ARMH1: variants seen among roughly 807,000 people sequenced by gnomAD.
ARMH1 encodes the protein armadillo-like helical domain containing protein 1.
A neutral mutation model predicts 50.2 loss-of-function variants in ARMH1; 34 were observed. The observed-to-expected ratio is 0.68, with a 90% confidence interval of 0.51 to 0.90. The LOEUF (loss-of-function observed/expected upper bound fraction) is 0.90, where lower values mean the gene tolerates loss of function less well. Among genes scored for constraint, ARMH1 ranks in the 40% least tolerant of loss-of-function variants. The pLI, the probability that ARMH1 is intolerant of heterozygous loss-of-function variation, is 0.00. For missense variants in ARMH1, 538 were observed against 553.9 expected, an observed-to-expected ratio of 0.97 and a Z score of 0.29; for synonymous variants, 221 against 224.2, an observed-to-expected ratio of 0.99 and a Z score of 0.13.
At position 44,682,885 on chromosome 1, in the gene ARMH1, A is replaced by G. The variant is rs1216839246; in HGVS notation, c.-22-6791A>G. ...AGCCCAGGCGATTGAGGCTGCGGTA[A>G]GTTATGATTGTGCCACTGCACTCCA... On this transcript the variant is annotated intron_variant, in intron 1 of 11. Coordinates refer to ENST00000535358, the MANE Select transcript of ARMH1 (RefSeq NM_001145636.2). The surrounding 1 kb of genome is among the most constrained non-coding windows in gnomAD (Gnocchi z 4.5). Among the ~76,000 whole-genome samples the G allele has an allele frequency of 6.6e-6, 1 of 152,236 alleles. No individual in the cohort carries two copies. Among genetic ancestry groups the G allele is most frequent in the Non-Finnish European group, 1.5e-5 (1 of 68,038 alleles).
chr1:44,700,761 G>C (rs1433050063), intron 4 of ARMH1, among the ~76,000 whole-genome samples, 162 bp from the exon 5 acceptor site: 1 of 152,058 alleles, frequency 6.6e-6, no homozygotes, highest in East Asian at 1.9e-4. Context: ...TAACTCTAAG[G>C]TAAACAAGAC....
intron 5 of ARMH1, among the ~76,000 whole-genome samples, 155 bp downstream of exon 5, chr1:44,701,274 G>A (rs1180019020): frequency 1.3e-5 from 2 of 152,190 alleles, no homozygotes; most frequent in Non-Finnish European, 2.9e-5. Context: ...GAAGGCCAAG[G>A]TAGGGCAGAG....
At chr1:44,722,903 C>CAAAAAAAAAA (rs71036693) in intron 6 of ARMH1, among the ~76,000 whole-genome samples, 15 of 85,448 alleles carry the variant, frequency 1.8e-4, no homozygotes, top group African/African-American at 2.7e-4. Flanking sequence ...ACTAAAAATA[C>CAAAAAAAAAA]AAAAAAAAAA....
chr1:44,714,239 C>T (rs563613039), intron 6 of ARMH1, among the ~76,000 whole-genome samples: 47 of 148,690 alleles, frequency 3.2e-4, no homozygotes, highest in Non-Finnish European at 5.3e-4. Context: ...CACTGCACTC[C>T]AGCCTGGGTG....
At chr1:44,714,139 G>A (rs997310349) in intron 6 of ARMH1, among the ~76,000 whole-genome samples, 3 of 151,948 alleles carry the variant, frequency 2.0e-5, no homozygotes, top group African/African-American at 7.3e-5. Flanking sequence ...GCGTGGTGGC[G>A]GGTGCTTGTA....
intron 1 of ARMH1, among the ~76,000 whole-genome samples, chr1:44,688,730 T>C (rs549216628): frequency 9.2e-5 from 14 of 152,332 alleles, no homozygotes; most frequent in South Asian, 6.2e-4. Flanking sequence ...TTGTTATGGA[T>C]AATAACACTT....
chr1:44,674,775 A>G lies in ARMH1; in HGVS notation c.-121A>G. 1 of 207,674 alleles carries G rather than the reference A, an allele frequency of 4.8e-6. No individual in the cohort carries two copies. The highest frequency in any genetic ancestry group is 1.1e-4 in the South Asian group (1 of 8,874). The allele number at this position is 207,674 out of a possible 1,614,324, so 12.9% of individuals were successfully genotyped here. ...GGAATGGGCAGGGTCACTCGTCCGA[A>G]CAGAGTCCTATCCTACGCGGCGGAA... On this transcript the variant is annotated 5_prime_UTR_variant, in exon 1 of 12. Coordinates refer to ENST00000535358, the MANE Select transcript of ARMH1 (RefSeq NM_001145636.2).
At chr1:44,698,005 C>T (rs1326207285) in intron 3 of ARMH1, 58 bp from the exon 4 acceptor site, 1 of 1,390,470 alleles carries the variant, frequency 7.2e-7, no homozygotes, top group Middle Eastern at 1.9e-4. Context: ...TCTTTGAAAG[C>T]TCAGTGCAAA....
intron 6 of ARMH1, among the ~76,000 whole-genome samples, chr1:44,710,087 T>C (rs1646534350): frequency 6.6e-6 from 1 of 152,094 alleles, no homozygotes; most frequent in Admixed American, 6.5e-5. Context: ...ACTCTCGCAC[T>C]AACACAGTGG....
chr1:44,721,227 G>C (rs571099564), intron 6 of ARMH1, among the ~76,000 whole-genome samples: 1 of 152,092 alleles, frequency 6.6e-6, no homozygotes, highest in African/African-American at 2.4e-5. Context: ...ACTACCAGGT[G>C]GTCCAGAGAA....
At chr1:44,721,866 C>G (rs370137001) in intron 6 of ARMH1, 5 of 152,112 alleles carry the variant, frequency 3.3e-5, no homozygotes, top group African/African-American at 9.7e-5. Flanking sequence ...TAGTAAAAGG[C>G]GAAAGATTTA....
rs1386472863 is a variant in ARMH1 at position 44,724,370 on chromosome 1, G to A, written c.898G>A (p.Ala300Thr). Residue 300 changes from alanine to threonine, a missense_variant, in exon 8 of 12, where the codon GCC becomes ACC. Transcript: ENST00000535358. The surrounding 1 kb of genome is among the most constrained non-coding windows in gnomAD (Gnocchi z 6.4). ...CAGCCTGCCGATGTTTTTGCAGCAG[G>A]CCGCGGCCGCCAAGGCCATCGGGTA... ...TPSLPMFLQQ[A>T]AAAKAIGVLA... 1 of 1,550,996 alleles carries A rather than the reference G, an allele frequency of 6.4e-7. No individual in the cohort carries two copies. Among genetic ancestry groups the A allele is most frequent in the South Asian group, 1.2e-5 (1 of 84,042 alleles).
intron 1 of ARMH1, among the ~76,000 whole-genome samples, chr1:44,680,010 G>T (rs1380721675): frequency 6.6e-6 from 1 of 152,232 alleles, no homozygotes; most frequent in Admixed American, 6.5e-5. Flanking sequence ...ACCCCTAGTT[G>T]TCCCAGGGAG....
chr1:44,698,532 C>T lies in ARMH1; in HGVS notation c.442+303C>T, dbSNP rs372846373. Among the ~76,000 whole-genome samples, 42 of 152,188 alleles carry T rather than the reference C, an allele frequency of 2.8e-4. No homozygotes were observed. In the East Asian group the frequency reaches 3.9e-3, roughly 14 times the overall value. On this transcript the variant is annotated intron_variant, in intron 4 of 11. Coordinates refer to ENST00000535358, the MANE Select transcript of ARMH1 (RefSeq NM_001145636.2). ...CTTTTGTGAAATTGAGTTATGAGGC[C>T]GGGCGCGGTGGCTCACACCTGTAAT...
chr1:44,687,198 G>T (rs1645500721), intron 1 of ARMH1, among the ~76,000 whole-genome samples: 1 of 152,266 alleles, frequency 6.6e-6, no homozygotes, highest in Admixed American at 6.5e-5. Flanking sequence ...TCCTTGGCTT[G>T]CAGATGACCA....
rs79261669 is a variant in ARMH1 at position 44,721,586 on chromosome 1, G to A, written c.725-2536G>A. ...AGCTAAAAAAACATGACAGTAGGCC[G>A]GGCACTACAAAAAGTACACAAAATT... On this transcript the variant is annotated intron_variant, in intron 6 of 11. Transcript: ENST00000535358. 3.4e-4 allele frequency among the ~76,000 whole-genome samples: 51 copies of A among 152,094 alleles called. No homozygotes were observed. The East Asian group carries it at 5.6e-3, about 17-fold the overall frequency.
At chr1:44,720,991 C>G (rs1460818696) in intron 6 of ARMH1, among the ~76,000 whole-genome samples, 1 of 151,598 alleles carries the variant, frequency 6.6e-6, no homozygotes, top group Non-Finnish European at 1.5e-5. Context: ...GAGCCGAGAT[C>G]GTACCACTGT....
chr1:44,698,573 G>A (rs1385229573), intron 4 of ARMH1, among the ~76,000 whole-genome samples: 1 of 152,108 alleles, frequency 6.6e-6, no homozygotes, highest in Non-Finnish European at 1.5e-5. Context: ...CATTTTGGGA[G>A]GCCAAGGCAG....
At chr1:44,712,535 CA>C (rs35480137) in intron 6 of ARMH1, among the ~76,000 whole-genome samples, 21,629 of 64,904 alleles carry the variant, frequency 0.33, 1,140 homozygotes, top group African/African-American at 0.41. Context: ...CAGGGAACCG[CA>C]AAAAAAAAAA....
Sources: gnomAD v4.1 joint callset for allele counts (sites outside exome capture counted in the v4.1 genomes callset) on GRCh38, gnomAD v4.1.1 for gene constraint, Gnocchi (gnomAD v3.1) non-coding constraint, MANE v1.5 for transcripts, NCBI Gene and HGNC (gene_info 2026-07-23, HGNC 2026-07-21) for gene names.